The following BDP1 variants were observed in gnomAD, a reference collection of about 807,000 sequenced individuals.
The protein encoded by BDP1 is BDP1 general transcription factor IIIB subunit.
BDP1 carries 169 observed loss-of-function variants against 266.6 expected under a neutral mutation model. That is an observed-to-expected ratio of 0.63 (90% CI 0.56 to 0.72). The LOEUF (loss-of-function observed/expected upper bound fraction) is 0.72. Ranked by LOEUF, BDP1 falls within the 30% of genes least tolerant of loss-of-function variation. The pLI is 0.00. For synonymous variants in BDP1, 1,090 were observed against 1,022.4 expected, an observed-to-expected ratio of 1.07 and a Z score of -1.26; for missense variants, 3,015 against 3,053.8, an observed-to-expected ratio of 0.99 and a Z score of 0.30.
In BDP1 at chr5:71,563,833, A is replaced by G. The variant is rs567479389; in HGVS notation, c.7744-921A>G. 3.6e-4 allele frequency among the ~76,000 whole-genome samples: 54 copies of G among 152,064 alleles called. 1 individual carries two copies. The highest frequency in any genetic ancestry group is 1.2e-3 in the African/African-American group (50 of 41,482). Reference sequence around the variant, plus strand: ...AGGCTGAGATAAGAGAATTGCTTGAACCCGGGAGGTGGAGGTTGCAGTGGG... The same window carrying G: ...AGGCTGAGATAAGAGAATTGCTTGAGCCCGGGAGGTGGAGGTTGCAGTGGG... On this transcript the variant is annotated intron_variant, in intron 38 of 38. Transcript: ENST00000358731.
intron 26 of BDP1, among the ~76,000 whole-genome samples, chr5:71,536,893 C>T (rs1766634761): frequency 6.6e-6 from 1 of 152,088 alleles, no homozygotes; most frequent in East Asian, 1.9e-4. Context: ...CTTTGGGAGG[C>T]CGAGGCAGGC....
At position 71,510,313 on chromosome 5, in the gene BDP1, G is replaced by A. The variant is rs748128153; in HGVS notation, c.3221G>A (p.Arg1074Lys). 2.5e-6 allele frequency: 4 copies of A among 1,613,768 alleles called. No homozygotes were observed. In the South Asian group the frequency reaches 3.3e-5, roughly 13 times the overall value. Residue 1074 changes from arginine to lysine, a missense_variant, in exon 17 of 39, where the codon AGG (arginine) becomes AAG (lysine). Transcript: ENST00000358731. ...GCAACTGGAAGAGACAGTTTCCCAAGGGGGAAGACACCAGAGGTGATTGAT... is the reference window on the plus strand; with the variant it reads ...GCAACTGGAAGAGACAGTTTCCCAAAGGGGAAGACACCAGAGGTGATTGAT... Reference protein sequence around the residue: ...LKATGRDSFPRGKTPEVIDAI... With the variant: ...LKATGRDSFPKGKTPEVIDAI...
Position 71,565,894 on chromosome 5 carries a change from A to G in BDP1, c.*1009A>G, listed in dbSNP as rs1420932144. ...TATTTAAACATAATTATTTATAAAG[A>G]TGACACATCAAAGGGCTTATTTATT... On this transcript the variant is annotated 3_prime_UTR_variant, in exon 39 of 39. Coordinates refer to ENST00000358731, the MANE Select transcript of BDP1 (RefSeq NM_018429.3). 1 of 154,466 alleles carries G rather than the reference A, an allele frequency of 6.5e-6. No individual in the cohort carries two copies. Among genetic ancestry groups the G allele is most frequent in the Non-Finnish European group, 1.4e-5 (1 of 69,378 alleles). The allele number at this position is 154,466 out of a possible 1,614,324, so 9.6% of individuals were successfully genotyped here.
chr5:71,555,260 C>T (rs970331519), intron 35 of BDP1, among the ~76,000 whole-genome samples: 6 of 152,060 alleles, frequency 3.9e-5, no homozygotes, highest in African/African-American at 1.4e-4. Flanking sequence ...TGACTTTTAC[C>T]GTTTACTGAA....
chr5:71,522,417 A>G lies in BDP1; in HGVS notation c.5120A>G (p.Asp1707Gly), dbSNP rs1199389387. 1 of 1,613,974 alleles carries G rather than the reference A, an allele frequency of 6.2e-7. No homozygotes were observed. The highest frequency in any genetic ancestry group is 1.7e-5 in the Admixed American group (1 of 60,004). ...EEPVLEKVTT[D>G]QSKEGKPEDH... ...CCAGTTTTAGAAAAAGTCACAACAGATCAGAGCAAGGAAGGCAAGCCAGAA... is the reference window on the plus strand; with the variant it reads ...CCAGTTTTAGAAAAAGTCACAACAGGTCAGAGCAAGGAAGGCAAGCCAGAA... Residue 1707 changes from aspartate (D) to glycine (G), a missense_variant, in exon 23 of 39, where the codon GAT becomes GGT. Asp to Gly is a moderately conservative substitution (Grantham distance 94, BLOSUM62 -1). This residue lies in a region of BDP1 where 2,383 missense variants were observed against 2,404.9 expected (regional missense o/e 0.99). Transcript: ENST00000358731.
chr5:71,521,821 A>G (rs1255739580), intron 22 of BDP1, among the ~76,000 whole-genome samples: 2 of 152,192 alleles, frequency 1.3e-5, no homozygotes, highest in Non-Finnish European at 2.9e-5. Context: ...TTAGGAGAAT[A>G]GACTCTACCC....
At position 71,523,986 on chromosome 5, in the gene BDP1, A is replaced by T. The variant is rs1205131848; in HGVS notation, c.5435A>T (p.Asp1812Val). The part of the protein sequence containing the change: ...NETSYSKIAL[D>V]GKTTISSTSE... ...ACAAGTTACTCTAAAATTGCCCTGG[A>T]TGGGAAAACAACTATCTCTTCTACA... The change falls in exon 25 of 39, where the codon GAT (aspartate) becomes GTT (valine). Residue 1812 changes from aspartate to valine, a missense_variant. By Grantham distance (152) the Asp-to-Val change is radical. This residue lies in a region of BDP1 where 2,383 missense variants were observed against 2,404.9 expected (regional missense o/e 0.99). Coordinates refer to ENST00000358731, the MANE Select transcript of BDP1 (RefSeq NM_018429.3). 7 of 1,614,104 alleles carry T rather than the reference A, an allele frequency of 4.3e-6. No individual in the cohort carries two copies. In the Admixed American group the frequency reaches 1.2e-4, roughly 27 times the overall value.
chr5:71,491,958 C>T (rs1763622576), intron 11 of BDP1, among the ~76,000 whole-genome samples: 2 of 152,168 alleles, frequency 1.3e-5, no homozygotes, highest in African/African-American at 4.8e-5. Flanking sequence ...TCAGGTGATC[C>T]ACCTGCCCTG....
chr5:71,527,242 G>A (rs75013134), intron 25 of BDP1, among the ~76,000 whole-genome samples: 3,389 of 151,998 alleles, frequency 0.022, 156 homozygotes, highest in African/African-American at 0.078. Flanking sequence ...AAGACATCCC[G>A]CAATGAGTGG....
chr5:71,489,233 G>T (rs140384810), intron 9 of BDP1, among the ~76,000 whole-genome samples, 171 bp from the exon 10 acceptor site: 1 of 152,054 alleles, frequency 6.6e-6, no homozygotes, highest in Non-Finnish European at 1.5e-5. Context: ...TATTGGCTCC[G>T]TGGATTTTTA....
chr5:71,464,109 G>A lies in BDP1; in HGVS notation c.651G>A (p.Gln217=), dbSNP rs753348398. The A allele has an allele frequency of 1.5e-5, 24 of 1,567,942 alleles. No individual in the cohort carries two copies. The highest frequency in any genetic ancestry group is 2.1e-5 in the Non-Finnish European group (24 of 1,153,012). The change falls in exon 4 of 39, where the codon CAG becomes CAA. Residue 217 remains glutamine (Q), a synonymous_variant. Transcript: ENST00000358731. ...CTGAAAAGCCATCGACTCCAGTCCA[G>A]ACAAGAGAGTAAGTATTTTATTTTT... ...KKTEKPSTPV[Q]TREQEGKSTP... is the part of the protein sequence containing the mutation.
At chr5:71,564,582 A>G (rs1195496358) in intron 38 of BDP1, among the ~76,000 whole-genome samples, 172 bp from the exon 39 acceptor site, 2 of 152,168 alleles carry the variant, frequency 1.3e-5, no homozygotes, top group East Asian at 3.8e-4. Context: ...GTAACAGCAT[A>G]GAAGTGAAAT....
chr5:71,518,705 C>T (rs1002330284), intron 22 of BDP1, among the ~76,000 whole-genome samples: 9 of 152,060 alleles, frequency 5.9e-5, no homozygotes, highest in Non-Finnish European at 1.2e-4. Flanking sequence ...CCGCCCATCT[C>T]GGCCTCCCAA....
intron 25 of BDP1, 26 bp from the exon 26 acceptor site, chr5:71,532,282 G>T: frequency 6.2e-7 from 1 of 1,607,540 alleles, no homozygotes; most frequent in Non-Finnish European, 8.5e-7. Flanking sequence ...ATGCCAAAAT[G>T]AAATGATAAA....
chr5:71,565,958 AT>A lies in BDP1; in HGVS notation c.*1078del. On this transcript the variant is annotated 3_prime_UTR_variant, in exon 39 of 39. Transcript: ENST00000358731. ...TTTAAAAGGATATTCAGTTTTAGCT[AT>A]TTTTACCCCTCAGATTGTAGATAAA... is the stretch of plus-strand genomic sequence containing the variant. 5.1e-6 allele frequency: 1 copy of A among 194,334 alleles called. No homozygotes were observed. Among genetic ancestry groups the A allele is most frequent in the South Asian group, 6.4e-5 (1 of 15,644 alleles). The allele number at this position is 194,334 out of a possible 1,614,324, so 12.0% of individuals were successfully genotyped here. A position where few individuals can be genotyped will look rare whatever the true frequency, so the allele number is the denominator to read the frequency against.
chr5:71,561,973 G>A (rs1482188098), intron 37 of BDP1, among the ~76,000 whole-genome samples: 3 of 151,906 alleles, frequency 2.0e-5, no homozygotes, highest in Non-Finnish European at 4.4e-5. Flanking sequence ...GGCTGGGTGC[G>A]GTGGCTCACG....
chr5:71,551,938 GGCCGGGCGGGGGGCTGACCCCC>G (rs1248396204), intron 34 of BDP1, among the ~76,000 whole-genome samples: 12 of 150,330 alleles, frequency 8.0e-5, no homozygotes, highest in Non-Finnish European at 1.3e-4. Flanking sequence ...CGGGGCGGCT[GGCCGGGCGGGGGGCTGACCCCC>G]CCACCTCCCT....
chr5:71,463,569 C>A (rs955358650), intron 3 of BDP1, among the ~76,000 whole-genome samples: 4 of 152,074 alleles, frequency 2.6e-5, no homozygotes, highest in African/African-American at 9.7e-5. Context: ...TGCCTGTAAT[C>A]TCAGTGTTTT....
At chr5:71,552,511 G>A (rs543619227) in intron 34 of BDP1, among the ~76,000 whole-genome samples, 65 of 152,350 alleles carry the variant, frequency 4.3e-4, no homozygotes, top group Non-Finnish European at 7.8e-4. Flanking sequence ...TCACGCCACC[G>A]CACTCCAGCC....
Sources: gnomAD v4.1 joint callset for allele counts (sites outside exome capture counted in the v4.1 genomes callset) on GRCh38, gnomAD v4.1.1 for gene constraint, gnomAD v4.1.1 regional missense constraint, MANE v1.5 for transcripts, NCBI Gene and HGNC (gene_info 2026-07-23, HGNC 2026-07-21) for gene names.